TONSL: variants seen among roughly 807,000 people sequenced by gnomAD.
The protein encoded by TONSL is tonsoku like, DNA repair protein, also known as tonsoku-like protein.
A neutral mutation model predicts 147.1 loss-of-function variants in TONSL; 112 were observed. The ratio of observed to expected loss-of-function variants is 0.76; its 90% CI spans 0.65 to 0.89. The LOEUF (loss-of-function observed/expected upper bound fraction) is 0.89, where lower values mean the gene tolerates loss of function less well. TONSL is among the 40% of genes least tolerant of loss of function. The pLI is 0.00. For missense variants in TONSL, 1,883 were observed against 1,864.6 expected, an observed-to-expected ratio of 1.01 and a Z score of -0.18; for synonymous variants, 868 against 801.5, an observed-to-expected ratio of 1.08 and a Z score of -1.40.
At chr8:144,437,497 C>A (rs560486946) in intron 13 of TONSL, among the ~76,000 whole-genome samples, 1 of 151,356 alleles carries the variant, frequency 6.6e-6, no homozygotes, top group Non-Finnish European at 1.5e-5. Flanking sequence ...TTTTTTGAGA[C>A]CAGCCAGGCT....
Position 144,429,306 on chromosome 8 carries a change from C to A in TONSL, c.3974G>T (p.Gly1325Val). Residue 1325 changes from glycine (G) to valine (V), a missense_variant, in exon 26 of 26, where the codon GGC becomes GTC. Gly to Val is a moderately radical substitution (Grantham distance 109). Transcript: ENST00000409379. ...GCAVQGPLGL[G>V]LWDKIAAQLR... Reference sequence around the variant, plus strand: ...CTGCGCGGCTATCTTGTCCCACAGGCCCAGGCCCAGGGGACCCTGGACGGC... The same window carrying A: ...CTGCGCGGCTATCTTGTCCCACAGGACCAGGCCCAGGGGACCCTGGACGGC... 2.0e-6 allele frequency: 3 copies of A among 1,491,190 alleles called. No homozygotes were observed. Among genetic ancestry groups the A allele is most frequent in the South Asian group, 2.5e-5 (2 of 79,440 alleles). The allele number at this position is 1,491,190 out of a possible 1,614,324, so 92.4% of individuals were successfully genotyped here.
chr8:144,441,697 G>A (rs1345823157), intron 7 of TONSL: 5 of 289,164 alleles, frequency 1.7e-5, no homozygotes, highest in East Asian at 9.9e-5. Flanking sequence ...TGGACCACGC[G>A]TGCCATCTCC....
chr8:144,431,202 C>T (rs1554878594), intron 23 of TONSL, 51 bp from the exon 24 acceptor site: 1 of 1,583,000 alleles, frequency 6.3e-7, no homozygotes, highest in African/African-American at 1.3e-5. Context: ...CGCACCTGCC[C>T]TGCCTGCTTC....
Position 144,435,870 on chromosome 8 carries a change from C to T in TONSL, c.2563G>A (p.Asp855Asn). The change falls in exon 17 of 26, where the codon GAC becomes AAC. Residue 855 changes from aspartate (D) to asparagine (N), a missense_variant. Physicochemically the swap from Asp to Asn is conservative, Grantham distance 23. Transcript: ENST00000409379. ...GAGGTACTACTGGGCCTGCGGTTGTCTCCAGTGCCCCGGGGGCGGGGCCGG... is the reference window on the plus strand; with the variant it reads ...GAGGTACTACTGGGCCTGCGGTTGTTTCCAGTGCCCCGGGGGCGGGGCCGG... ...SRRPRPRGTG[D>N]NRRPSSTSGS... 1 of 1,602,362 alleles carries T rather than the reference C, an allele frequency of 6.2e-7. No individual in the cohort carries two copies. The highest frequency in any genetic ancestry group is 2.3e-5 in the East Asian group (1 of 44,418).
intron 16 of TONSL, 43 bp downstream of exon 16, chr8:144,436,515 G>C: frequency 6.3e-7 from 1 of 1,596,374 alleles, no homozygotes; most frequent in East Asian, 2.2e-5. Context: ...GGGACTCTCA[G>C]CGTAGGCACA....
intron 11 of TONSL, chr8:144,439,739 T>G (rs763169551): frequency 1.4e-5 from 7 of 491,060 alleles, no homozygotes; most frequent in Non-Finnish European, 2.5e-5. Context: ...GTGCACCGTC[T>G]CACCCCTGGC....
In TONSL at chr8:144,443,872, G is replaced by T; in HGVS notation, c.264+10C>A. ...ACCGGGCTGGACGAGGCCAGTGAGG[G>T]CGCCCGCACCTGCAAGGCAGCCGGG... is the stretch of plus-strand genomic sequence containing the variant. On this transcript the variant is annotated intron_variant, in intron 3 of 25. Coordinates refer to ENST00000409379, the MANE Select transcript of TONSL (RefSeq NM_013432.5). 1 of 1,544,284 alleles carries T rather than the reference G, an allele frequency of 6.5e-7. No individual in the cohort carries two copies.
Position 144,444,194 on chromosome 8 carries a change from A to C in TONSL, c.107T>G (p.Leu36Arg). The change falls in exon 2 of 26, where the codon CTC becomes CGC. Residue 36 changes from leucine to arginine, a missense_variant. Coordinates refer to ENST00000409379, the MANE Select transcript of TONSL (RefSeq NM_013432.5). Reference sequence around the variant, plus strand: ...CCGGCGCTCACCATGGCCGGCCAGGAGCTCCCCCAGCTGGTGGCACAGCGC... The same window carrying C: ...CCGGCGCTCACCATGGCCGGCCAGGCGCTCCCCCAGCTGGTGGCACAGCGC... ...EAALCHQLGELLAGHGRYAEA... is the reference protein window; with the variant it reads ...EAALCHQLGERLAGHGRYAEA... The C allele has an allele frequency of 6.9e-7, 1 of 1,451,376 alleles. No individual in the cohort carries two copies. Among genetic ancestry groups the C allele is most frequent in the Non-Finnish European group, 9.0e-7 (1 of 1,105,126 alleles). The allele number at this position is 1,451,376 out of a possible 1,614,324, so 89.9% of individuals were successfully genotyped here.
At position 144,442,143 on chromosome 8, in the gene TONSL, T is replaced by G. The variant is rs1823743558; in HGVS notation, c.759A>C (p.Gln253His). 6.2e-7 allele frequency: 1 copy of G among 1,611,748 alleles called. No individual in the cohort carries two copies. The highest frequency in any genetic ancestry group is 1.1e-5 in the South Asian group (1 of 91,012). ...ECCVVIAQVL[Q>H]DLGDFLAAKR... ...TGGCAGCCAAAAAGTCTCCCAGGTC[T>G]TGGAGGACCTGGAGAGCAAAGGACA... The change falls in exon 7 of 26, where the codon CAA becomes CAC. Residue 253 changes from glutamine to histidine, a missense_variant. Transcript: ENST00000409379.
At chr8:144,435,297 C>T in intron 18 of TONSL, 127 bp from the exon 19 acceptor site, 1 of 1,331,120 alleles carries the variant, frequency 7.5e-7, no homozygotes, top group Non-Finnish European at 1.0e-6. Context: ...TAGCCGGCCC[C>T]TCCTCTCCCT....
In TONSL at chr8:144,442,225, C is replaced by T; in HGVS notation, c.750+16G>A. Reference sequence around the variant, plus strand: ...ATCTACGAGAGCCTGAGCTCGGAGCCACGCACAGCGGGTACCTGTGCAATA... The same window carrying T: ...ATCTACGAGAGCCTGAGCTCGGAGCTACGCACAGCGGGTACCTGTGCAATA... On this transcript the variant is annotated intron_variant, in intron 6 of 25. Coordinates refer to ENST00000409379, the MANE Select transcript of TONSL (RefSeq NM_013432.5). The T allele has an allele frequency of 6.3e-7, 1 of 1,588,814 alleles. No homozygotes were observed. The highest frequency in any genetic ancestry group is 8.6e-7 in the Non-Finnish European group (1 of 1,164,328).
At position 144,440,641 on chromosome 8, in the gene TONSL, A is replaced by G. The variant is rs528786828; in HGVS notation, c.1164+77T>C. 86 of 1,554,938 alleles carry G rather than the reference A, an allele frequency of 5.5e-5. No individual in the cohort carries two copies. In the East Asian group the frequency reaches 1.5e-3, roughly 28 times the overall value. On this transcript the variant is annotated intron_variant, in intron 9 of 25. Transcript: ENST00000409379. ...GCCCGTCCAGTAAGGACACCTGTCC[A>G]TGGCCACCCTGAGAACGGCAGTCCT...
chr8:144,430,134 G>C (rs1325585682), intron 25 of TONSL, among the ~76,000 whole-genome samples: 2 of 152,176 alleles, frequency 1.3e-5, no homozygotes, highest in Non-Finnish European at 2.9e-5. Context: ...TGTGGAACAG[G>C]GTCTTGCCTA....
rs1346127024 is a variant in TONSL at position 144,443,881 on chromosome 8, C to A, written c.264+1G>T. The stretch of plus-strand genomic sequence containing the variant: ...GACGAGGCCAGTGAGGGCGCCCGCA[C>A]CTGCAAGGCAGCCGGGTAGTCCTCC... On this transcript the variant is annotated splice_donor_variant, in intron 3 of 25. Transcript: ENST00000409379. LOFTEE classifies it high-confidence loss of function. 1.3e-6 allele frequency: 2 copies of A among 1,544,900 alleles called. No homozygotes were observed. Among genetic ancestry groups the A allele is most frequent in the Non-Finnish European group, 1.7e-6 (2 of 1,146,600 alleles).
Position 144,435,705 on chromosome 8 carries a change from T to TG in TONSL, c.2727dup (p.Arg910GlnfsTer44). 1 of 1,611,692 alleles carries TG rather than the reference T, an allele frequency of 6.2e-7. No homozygotes were observed. Among genetic ancestry groups the TG allele is most frequent in the Non-Finnish European group, 8.5e-7 (1 of 1,179,066 alleles). ...CTGTCCCCACTGGGCTCTGAGACCC[T>TG]GGGGGTGCTGGGGCTCCCTGGAGGT... On this transcript the variant is annotated frameshift_variant, in exon 17 of 26. Transcript: ENST00000409379. LOFTEE classifies it high-confidence loss of function.
At chr8:144,441,257 T>C (rs1035354423) in intron 7 of TONSL, 146 bp from the exon 8 acceptor site, 35 of 1,185,448 alleles carry the variant, frequency 3.0e-5, no homozygotes, top group Non-Finnish European at 3.8e-5. Context: ...TAGCAGGGTC[T>C]ATCTTGGGGA....
chr8:144,441,943 G>A, intron 7 of TONSL, 94 bp downstream of exon 7: 1 of 1,071,898 alleles, frequency 9.3e-7, no homozygotes, highest in East Asian at 2.5e-5. Context: ...CTGTGAGGGA[G>A]AGAGCCCTGT....
chr8:144,437,608 T>G (rs1823523296), intron 13 of TONSL: 1 of 155,900 alleles, frequency 6.4e-6, no homozygotes, highest in Admixed American at 6.2e-5. Flanking sequence ...CCCCATTTTT[T>G]TGTGTTTTTT....
At chr8:144,430,672 A>G (rs1468054993) in intron 24 of TONSL, 135 bp from the exon 25 acceptor site, 2 of 1,111,642 alleles carry the variant, frequency 1.8e-6, no homozygotes, top group Non-Finnish European at 2.5e-6. Context: ...AGCCTGGCCC[A>G]GTAGCAGGTG....
Sources: gnomAD v4.1 joint callset for allele counts (sites outside exome capture counted in the v4.1 genomes callset) on GRCh38, gnomAD v4.1.1 for gene constraint, MANE v1.5 for transcripts, NCBI Gene and HGNC (gene_info 2026-07-23, HGNC 2026-07-21) for gene names.